GLIS3: variants seen among roughly 807,000 people sequenced by gnomAD.
GLIS3 encodes the protein GLIS family zinc finger 3, also known as zinc finger protein GLIS3.
GLIS3 carries 53 observed loss-of-function variants against 78.6 expected under a neutral mutation model. That is an observed-to-expected ratio of 0.67 (90% CI 0.54 to 0.85). GLIS3 has a LOEUF of 0.85. GLIS3 is among the 40% of genes least tolerant of loss of function. The probability of loss-of-function intolerance (pLI) is 0.00; values close to 1 mark genes in which losing one functional copy is unlikely to be tolerated. For synonymous variants in GLIS3, 684 were observed against 509.9 expected, an observed-to-expected ratio of 1.34 and a Z score of -4.60; for missense variants, 1,703 against 1,231.1, an observed-to-expected ratio of 1.38 and a Z score of -5.74.
At chr9:4,441,137 CT>C in the GLIS3 span, among the ~76,000 whole-genome samples, 1 of 152,026 alleles carries the variant, frequency 6.6e-6, no homozygotes, top group Non-Finnish European at 1.5e-5. Flanking sequence ...ATTTGGATAC[CT>C]TTTATTTTTC....
At position 4,292,519 on chromosome 9, in the gene GLIS3, A is replaced by G. The variant is rs1225645746; in HGVS notation, c.-98-5996T>C. Reference sequence around the variant, plus strand: ...GAGTTGAACAGTCAAAGTAAAATAAATAACAAAATATAGCTAGAATGAAGA... The same window carrying G: ...GAGTTGAACAGTCAAAGTAAAATAAGTAACAAAATATAGCTAGAATGAAGA... On this transcript the variant is annotated intron_variant, in intron 1 of 10. Coordinates refer to ENST00000381971, the MANE Select transcript of GLIS3 (RefSeq NM_001042413.2). Among the ~76,000 whole-genome samples the G allele has an allele frequency of 3.9e-5, 6 of 152,214 alleles. No homozygotes were observed. In the East Asian group the frequency reaches 7.7e-4, roughly 19 times the overall value.
chr9:3,866,103 A>G (rs1820561412), intron 8 of GLIS3, among the ~76,000 whole-genome samples: 1 of 152,210 alleles, frequency 6.6e-6, no homozygotes, highest in African/African-American at 2.4e-5. Context: ...CAAATGAATG[A>G]GAGTAGTATT....
intron 2 of GLIS3, among the ~76,000 whole-genome samples, chr9:4,321,231 T>G (rs973053017): frequency 7.0e-6 from 1 of 142,846 alleles, no homozygotes; most frequent in African/African-American, 2.8e-5. Context: ...CCATCCTGGC[T>G]AACACGGTGA....
At chr9:3,905,311 G>T (rs1177798368) in intron 6 of GLIS3, among the ~76,000 whole-genome samples, 1 of 151,802 alleles carries the variant, frequency 6.6e-6, no homozygotes, top group Admixed American at 6.6e-5. Flanking sequence ...TATTCTAGCC[G>T]GAAGCCTGTC....
chr9:4,245,649 T>C (rs1057092747), intron 2 of GLIS3, among the ~76,000 whole-genome samples: 8 of 152,178 alleles, frequency 5.3e-5, no homozygotes, highest in African/African-American at 1.4e-4. Flanking sequence ...GGAGAAAGGA[T>C]TGTTTTGAAA....
chr9:4,321,855 T>A (rs1817534383), intron 2 of GLIS3, among the ~76,000 whole-genome samples: 1 of 152,090 alleles, frequency 6.6e-6, no homozygotes, highest in Non-Finnish European at 1.5e-5. Context: ...ATTATAGGTG[T>A]ACACTACCAC....
At position 4,047,047 on chromosome 9, in the gene GLIS3, C is replaced by A. The variant is rs1288904875; in HGVS notation, c.1710+70721G>T. Among the ~76,000 whole-genome samples, 4 of 152,124 alleles carry A rather than the reference C, an allele frequency of 2.6e-5. No individual in the cohort carries two copies. In the South Asian group the frequency reaches 8.3e-4, roughly 32 times the overall value. ...GATATTGTTTGGCTCTATGTCCCCA[C>A]CAAAATATCACCTGGAACTGTAATC... is the stretch of plus-strand genomic sequence containing the variant. On this transcript the variant is annotated intron_variant, in intron 4 of 10. Transcript: ENST00000381971.
chr9:4,156,944 A>G (rs111646206), intron 2 of GLIS3, among the ~76,000 whole-genome samples: 3 of 152,306 alleles, frequency 2.0e-5, no homozygotes, highest in Non-Finnish European at 2.9e-5. Flanking sequence ...TCCTCACTCC[A>G]TATCTACCGA....
chr9:4,143,361 G>C (rs1166796670), intron 2 of GLIS3, among the ~76,000 whole-genome samples: 1 of 152,058 alleles, frequency 6.6e-6, no homozygotes, highest in Non-Finnish European at 1.5e-5. Flanking sequence ...GAGGTCAGGA[G>C]TTCGAGACCA....
chr9:4,265,536 G>C (rs916439238), intron 2 of GLIS3, among the ~76,000 whole-genome samples: 16 of 152,114 alleles, frequency 1.1e-4, no homozygotes, highest in African/African-American at 3.9e-4. Flanking sequence ...TTTCCAGAAA[G>C]TGGGATGATC....
chr9:4,286,286 G>A lies in GLIS3; in HGVS notation c.140C>T (p.Ser47Leu), dbSNP rs757118860. 14 of 1,614,128 alleles carry A rather than the reference G, an allele frequency of 8.7e-6. No individual in the cohort carries two copies. Among genetic ancestry groups the A allele is most frequent in the South Asian group, 2.2e-5 (2 of 91,086 alleles). ...TPGPSPCGSTSSPTMASLANN... is the reference protein window; with the variant it reads ...TPGPSPCGSTLSPTMASLANN... ...AGCAAGGCTTGCCATAGTGGGACTC[G>A]ATGTGCTGCCACAGGGCGAGGGGCC... The change falls in exon 2 of 11, where the codon TCG becomes TTG. Residue 47 changes from serine (S) to leucine (L), a missense_variant. Ser to Leu is a moderately radical substitution (Grantham distance 145, BLOSUM62 -2). Transcript: ENST00000381971.
At chr9:4,235,730 T>C (rs777132177) in intron 2 of GLIS3, among the ~76,000 whole-genome samples, 2 of 152,196 alleles carry the variant, frequency 1.3e-5, no homozygotes, top group Non-Finnish European at 1.5e-5. Context: ...AAAAAATCTG[T>C]TATCTTGGAT....
intron 4 of GLIS3, among the ~76,000 whole-genome samples, chr9:4,050,127 C>T (rs4260939): frequency 0.12 from 18,053 of 151,912 alleles, 2,684 homozygotes; most frequent in African/African-American, 0.35. Context: ...TAAATCATGC[C>T]GCTATAAAGA....
At chr9:4,383,813 A>C in the GLIS3 span, among the ~76,000 whole-genome samples, 4 of 152,174 alleles carry the variant, frequency 2.6e-5, no homozygotes, top group South Asian at 8.3e-4. Context: ...CTATGTTCAG[A>C]AGTTTACATT....
At chr9:4,461,488 C>T in the GLIS3 span, among the ~76,000 whole-genome samples, 1 of 151,998 alleles carries the variant, frequency 6.6e-6, no homozygotes, top group Non-Finnish European at 1.5e-5. Context: ...TTCTGAAATG[C>T]CTCTACTCTT....
In GLIS3 at chr9:4,158,817, G is replaced by C. The variant is rs144852549; in HGVS notation, c.389-32876C>G. On this transcript the variant is annotated intron_variant, in intron 2 of 10. Transcript: ENST00000381971. ...ACACGATAATTTCAAATAAGCGTAAGTGCCATCAAAGACATAAAATAGATG... is the reference window on the plus strand; with the variant it reads ...ACACGATAATTTCAAATAAGCGTAACTGCCATCAAAGACATAAAATAGATG... Among the ~76,000 whole-genome samples, 3 of 152,264 alleles carry C rather than the reference G, an allele frequency of 2.0e-5. No homozygotes were observed. The East Asian group carries it at 5.8e-4, about 29-fold the overall frequency.
chr9:4,230,095 G>C (rs10974398), intron 2 of GLIS3, among the ~76,000 whole-genome samples: 1 of 152,214 alleles, frequency 6.6e-6, no homozygotes, highest in African/African-American at 2.4e-5. Flanking sequence ...CGGGCCAAGT[G>C]AAATGGTATA....
At chr9:4,201,736 C>G (rs149630165) in intron 2 of GLIS3, among the ~76,000 whole-genome samples, 23 of 152,256 alleles carry the variant, frequency 1.5e-4, no homozygotes, top group African/African-American at 5.3e-4. Flanking sequence ...TTGGAAGACT[C>G]AATACCATTA....
At chr9:4,188,346 C>A (rs1818002321) in intron 2 of GLIS3, among the ~76,000 whole-genome samples, 1 of 148,290 alleles carries the variant, frequency 6.7e-6, no homozygotes. Context: ...GGGATGAAGC[C>A]CACTTGATCA....
Sources: gnomAD v4.1 joint callset for allele counts (sites outside exome capture counted in the v4.1 genomes callset) on GRCh38, gnomAD v4.1.1 for gene constraint, MANE v1.5 for transcripts, NCBI Gene and HGNC (gene_info 2026-07-23, HGNC 2026-07-21) for gene names.